DYNLT2: variants seen among roughly 807,000 people sequenced by gnomAD.
DYNLT2 encodes dynein light chain Tctex-type 2.
DYNLT2 carries 24 observed loss-of-function variants against 24.3 expected under a neutral mutation model. The ratio of observed to expected loss-of-function variants is 0.99; its 90% confidence interval spans 0.71 to 1.39. The LOEUF is 1.39. DYNLT2 is among the 40% of genes most tolerant of loss of function. The pLI is 0.00. For synonymous variants in DYNLT2, 85 were observed against 85.4 expected, an observed-to-expected ratio of 1.00 and a Z score of 0.03; for missense variants, 246 against 234.5, an observed-to-expected ratio of 1.05 and a Z score of -0.32.
chr6:169,734,068 G>T, the DYNLT2 span, among the ~76,000 whole-genome samples: 1 of 152,134 alleles, frequency 6.6e-6, no homozygotes, highest in Non-Finnish European at 1.5e-5. Context: ...GTTTATTCAT[G>T]ATTTGGCTCT....
chr6:169,748,619 C>T (rs1250533190), intron 1 of DYNLT2, among the ~76,000 whole-genome samples: 1 of 152,170 alleles, frequency 6.6e-6, no homozygotes, highest in African/African-American at 2.4e-5. Context: ...CCCTAAACCT[C>T]TTAAAAACAA....
Position 169,743,112 on chromosome 6 carries a change from A to G in DYNLT2, c.454T>C (p.Leu152=). ...GCTTGGCCAGTCTTTTGAATAAATA[A>G]TACTTTTATAATGAACTTATAACGG... ...YHRYKFIIKV[L]FIQKTGQAIN... The change falls in exon 3 of 4, where the codon TTA becomes CTA. Residue 152 remains leucine (L), a synonymous_variant. Transcript: ENST00000366774. 6.3e-7 allele frequency: 1 copy of G among 1,575,314 alleles called. No homozygotes were observed. Among genetic ancestry groups the G allele is most frequent in the East Asian group, 2.3e-5 (1 of 44,314 alleles).
At chr6:169,745,484 TAA>T (rs1789776153) in intron 1 of DYNLT2, among the ~76,000 whole-genome samples, 1 of 152,154 alleles carries the variant, frequency 6.6e-6, no homozygotes. Flanking sequence ...GTTTTTATAA[TAA>T]AAGAGTGTTG....
rs778139892 is a variant in DYNLT2, at chr6:169,740,201, G to A, written c.581C>T (p.Ala194Val). Residue 194 changes from alanine to valine, a missense_variant, in exon 4 of 4, where the codon GCC becomes GTC. Transcript: ENST00000366774. The stretch of plus-strand genomic sequence containing the variant: ...TGTAATGAGCTATTCATAATAAAGG[G>A]CAAACACCAAGACCAGTGCCACGTA... ...ESYVALVLVF[A>V]LYYE 4 of 1,612,488 alleles carry A rather than the reference G, an allele frequency of 2.5e-6. No individual in the cohort carries two copies. The highest frequency in any genetic ancestry group is 3.4e-6 in the Non-Finnish European group (4 of 1,178,790).
chr6:169,745,106 T>G lies in DYNLT2; in HGVS notation c.121-832A>C, dbSNP rs1049765053. ...CTGTGAAGTTTTTTTTGTTTGTTTT[T>G]TTTTTTGAGACAGTCTTGCTCAGTC... On this transcript the variant is annotated intron_variant, in intron 1 of 3. Coordinates refer to ENST00000366774, the MANE Select transcript of DYNLT2 (RefSeq NM_174910.3). Among the ~76,000 whole-genome samples the G allele has an allele frequency of 2.3e-3, 346 of 152,164 alleles. 1 individual carries two copies. The highest frequency in any genetic ancestry group is 7.8e-3 in the African/African-American group (325 of 41,516).
Position 169,743,223 on chromosome 6 carries a change from C to T in DYNLT2, c.343G>A (p.Val115Ile). 1.3e-6 allele frequency: 2 copies of T among 1,543,084 alleles called. No individual in the cohort carries two copies. Among genetic ancestry groups the T allele is most frequent in the Non-Finnish European group, 1.8e-6 (2 of 1,136,188 alleles). The change falls in exon 3 of 4, where the codon GTC becomes ATC. Residue 115 changes from valine (V) to isoleucine (I), a missense_variant. Coordinates refer to ENST00000366774, the MANE Select transcript of DYNLT2 (RefSeq NM_174910.3). The stretch of plus-strand genomic sequence containing the variant: ...GAGAATACTTTATCATCATATTTGA[C>T]ATCTTTAAGACTTTCCTTTAAGAAA... ...QQILTESLKD[V>I]KYDDKVFSHL...
rs891568676 is a variant in DYNLT2 at position 169,743,112 on chromosome 6, A to C, written c.454T>G (p.Leu152Val). 2 of 1,575,196 alleles carry C rather than the reference A, an allele frequency of 1.3e-6. No individual in the cohort carries two copies. The highest frequency in any genetic ancestry group is 1.7e-6 in the Non-Finnish European group (2 of 1,155,338). The change falls in exon 3 of 4, where the codon TTA becomes GTA. Residue 152 changes from leucine to valine, a missense_variant. Leu to Val is a conservative substitution (Grantham distance 32, BLOSUM62 1). Coordinates refer to ENST00000366774, the MANE Select transcript of DYNLT2 (RefSeq NM_174910.3). ...YHRYKFIIKV[L>V]FIQKTGQAIN... ...GCTTGGCCAGTCTTTTGAATAAATAATACTTTTATAATGAACTTATAACGG... is the reference window on the plus strand; with the variant it reads ...GCTTGGCCAGTCTTTTGAATAAATACTACTTTTATAATGAACTTATAACGG...
intron 1 of DYNLT2, among the ~76,000 whole-genome samples, chr6:169,744,744 T>G (rs1235535449): frequency 6.6e-6 from 1 of 152,132 alleles, no homozygotes; most frequent in East Asian, 1.9e-4. Flanking sequence ...GATAGCACAT[T>G]CGTAAGTCTT....
At chr6:169,727,598 C>G in the DYNLT2 span, among the ~76,000 whole-genome samples, 2 of 151,878 alleles carry the variant, frequency 1.3e-5, no homozygotes, top group Non-Finnish European at 2.9e-5. Context: ...GAGACTCACT[C>G]TGTTGCCCAG....
At chr6:169,746,885 C>G (rs1442505916) in intron 1 of DYNLT2, among the ~76,000 whole-genome samples, 1 of 151,002 alleles carries the variant, frequency 6.6e-6, no homozygotes, top group African/African-American at 2.4e-5. Context: ...TCCCTACTTG[C>G]TTAAGTCACA....
chr6:169,735,279 T>C (rs1323827508), downstream of DYNLT2, among the ~76,000 whole-genome samples: 1 of 152,026 alleles, frequency 6.6e-6, no homozygotes, highest in Non-Finnish European at 1.5e-5. Flanking sequence ...TGTGTCTCTG[T>C]CTCCTTCAAT....
At chr6:169,747,038 TA>T (rs1447705976) in intron 1 of DYNLT2, among the ~76,000 whole-genome samples, 1 of 151,314 alleles carries the variant, frequency 6.6e-6, no homozygotes, top group Non-Finnish European at 1.5e-5. Context: ...GTAGGGACTT[TA>T]AGGAAGCTGG....
intron 1 of DYNLT2, among the ~76,000 whole-genome samples, chr6:169,749,140 C>T (rs1026011703): frequency 1.3e-5 from 2 of 152,058 alleles, no homozygotes; most frequent in African/African-American, 2.4e-5. Flanking sequence ...CACTCTGTTG[C>T]CCAGGCTGGA....
At chr6:169,725,633 G>GTTT in the DYNLT2 span, 1,047 of 225,022 alleles carry the variant, frequency 4.7e-3, no homozygotes, top group East Asian at 9.4e-3. Context: ...GAGTTTAGCG[G>GTTT]TTTTTTTTTT....
chr6:169,734,649 G>A, the DYNLT2 span, among the ~76,000 whole-genome samples: 10 of 152,192 alleles, frequency 6.6e-5, no homozygotes, highest in Non-Finnish European at 1.5e-4. Flanking sequence ...CTTGATCGTG[G>A]TAGATAAGTT....
downstream of DYNLT2, among the ~76,000 whole-genome samples, chr6:169,738,541 C>T (rs1031932910): frequency 1.3e-5 from 2 of 152,166 alleles, no homozygotes; most frequent in African/African-American, 2.4e-5. Context: ...GGGGGTTCCC[C>T]TTCCCCATGT....
downstream of DYNLT2, among the ~76,000 whole-genome samples, chr6:169,739,510 G>T (rs917237217): frequency 6.6e-6 from 1 of 152,110 alleles, no homozygotes; most frequent in Non-Finnish European, 1.5e-5. Context: ...AAGTTGGAGA[G>T]AACCTGGATC....
At chr6:169,751,181 AG>A in intron 1 of DYNLT2, 157 bp downstream of exon 1, 4 of 1,170,908 alleles carry the variant, frequency 3.4e-6, no homozygotes, top group Non-Finnish European at 4.8e-6. Flanking sequence ...ACTCAGTCTC[AG>A]GCTTCAATTT....
rs1789745908 is a variant in DYNLT2 at position 169,744,285 on chromosome 6, A to G, written c.121-11T>C. 1.9e-6 allele frequency: 3 copies of G among 1,607,598 alleles called. No homozygotes were observed. The highest frequency in any genetic ancestry group is 2.6e-6 in the Non-Finnish European group (3 of 1,175,630). ...TAAAATCTGTGTATACTGGAGGAGAAAGAGAGAGGGGAAGAGAGAAAGGCA... is the reference window on the plus strand; with the variant it reads ...TAAAATCTGTGTATACTGGAGGAGAGAGAGAGAGGGGAAGAGAGAAAGGCA... On this transcript the variant is annotated splice_polypyrimidine_tract_variant and intron_variant, in intron 1 of 3. Coordinates refer to ENST00000366774, the MANE Select transcript of DYNLT2 (RefSeq NM_174910.3).
Sources: allele counts gnomAD v4.1 joint callset (sites outside exome capture counted in the v4.1 genomes callset), GRCh38; gene constraint gnomAD v4.1.1; transcripts MANE v1.5; gene names NCBI Gene and HGNC (gene_info 2026-07-23, HGNC 2026-07-21).